The following PHAF1 variants were observed in gnomAD, a reference collection of about 807,000 sequenced individuals.
PHAF1 encodes phagophore assembly factor 1.
Under a neutral mutation model 63.1 loss-of-function variants are expected in PHAF1, and 23 were observed. The observed-to-expected ratio is 0.36, with a 90% CI of 0.26 to 0.52. PHAF1 has a LOEUF of 0.52. PHAF1 is among the 20% of genes least tolerant of loss of function. The pLI is 0.93. For missense variants in PHAF1, 427 were observed against 517.2 expected (o/e 0.83, Z 1.69); for synonymous variants, 167 against 185.0 (o/e 0.90, Z 0.79).
chr16:67,119,716 CAG>C (rs1322821595), intron 1 of PHAF1, among the ~76,000 whole-genome samples: 2 of 142,706 alleles, frequency 1.4e-5, no homozygotes, highest in African/African-American at 5.3e-5. Context: ...TTAGTAGAGT[CAG>C]AGTTTTACCA....
intron 8 of PHAF1, among the ~76,000 whole-genome samples, chr16:67,137,928 GT>G (rs1344293709): frequency 3.3e-5 from 5 of 152,200 alleles, no homozygotes; most frequent in Admixed American, 2.6e-4. Context: ...GCAAGCACAA[GT>G]TTCTCAACCC....
intron 6 of PHAF1, 40 bp from the exon 7 acceptor site, chr16:67,134,128 C>A: frequency 6.6e-7 from 1 of 1,525,558 alleles, no homozygotes; most frequent in Non-Finnish European, 9.1e-7. Flanking sequence ...GTCCCATCAC[C>A]TGTTGTGCCC....
intron 1 of PHAF1, among the ~76,000 whole-genome samples, chr16:67,119,505 C>CCAT (rs1479064265): frequency 6.6e-6 from 1 of 151,552 alleles, no homozygotes. Context: ...TAAAAAGGGT[C>CCAT]CATGCATCAT....
At chr16:67,140,917 CTCT>C (rs1963785751) in intron 10 of PHAF1, among the ~76,000 whole-genome samples, 1 of 152,202 alleles carries the variant, frequency 6.6e-6, no homozygotes, top group East Asian at 1.9e-4. Context: ...GCATAGGACC[CTCT>C]TCTTGAGTCA....
chr16:67,118,195 G>T (rs1467732010), intron 1 of PHAF1, among the ~76,000 whole-genome samples: 1 of 141,438 alleles, frequency 7.1e-6, no homozygotes. Context: ...GGATGGTCTC[G>T]ATCTCCTGAC....
At chr16:67,124,898 A>C (rs1367222081) in intron 2 of PHAF1, among the ~76,000 whole-genome samples, 1 of 149,440 alleles carries the variant, frequency 6.7e-6, no homozygotes, top group Non-Finnish European at 1.5e-5. Context: ...GAGAGACTTC[A>C]TCCAAAAAAA....
intron 10 of PHAF1, 104 bp downstream of exon 10, chr16:67,140,698 TG>T: frequency 2.1e-6 from 2 of 932,852 alleles, no homozygotes; most frequent in East Asian, 2.4e-5. Context: ...GCCTGGACAT[TG>T]GGGAACCTAG....
chr16:67,112,372 C>T (rs1962551141), intron 1 of PHAF1, among the ~76,000 whole-genome samples: 1 of 128,962 alleles, frequency 7.8e-6, no homozygotes, highest in African/African-American at 3.0e-5. Flanking sequence ...AGTGAGACCT[C>T]GTTTCTACCA....
chr16:67,122,405 G>A (rs1337607728), intron 2 of PHAF1, among the ~76,000 whole-genome samples: 1 of 151,990 alleles, frequency 6.6e-6, no homozygotes, highest in African/African-American at 2.4e-5. Flanking sequence ...TTGAGTCCAA[G>A]AGTTCGAGAC....
Position 67,131,449 on chromosome 16 carries a change from G to A in PHAF1, c.275+120G>A, listed in dbSNP as rs1490955278. ...GATGTGAATTATAGCCTGGTGCCATGAATTCCTGAGGCAACCTTCAAGCCT... is the reference window on the plus strand; with the variant it reads ...GATGTGAATTATAGCCTGGTGCCATAAATTCCTGAGGCAACCTTCAAGCCT... On this transcript the variant is annotated intron_variant, in intron 4 of 15. Coordinates refer to ENST00000219139, the MANE Select transcript of PHAF1 (RefSeq NM_025187.5). 7.0e-6 allele frequency: 5 copies of A among 718,632 alleles called. No individual in the cohort carries two copies. The East Asian group carries it at 1.5e-4, about 21-fold the overall frequency. 44.5% of individuals were successfully genotyped at this position (718,632 alleles called of 1,614,324 possible).
At chr16:67,125,879 G>A in intron 2 of PHAF1, 80 bp from the exon 3 acceptor site, 1 of 1,008,522 alleles carries the variant, frequency 9.9e-7, no homozygotes, top group Non-Finnish European at 1.5e-6. Flanking sequence ...CTTGTGTGTT[G>A]CATTTGTATT....
chr16:67,111,467 A>T (rs1962513329), intron 1 of PHAF1, among the ~76,000 whole-genome samples: 1 of 152,218 alleles, frequency 6.6e-6, no homozygotes, highest in Non-Finnish European at 1.5e-5. Context: ...GGACTAAATC[A>T]GCTGCTCCAT....
intron 2 of PHAF1, among the ~76,000 whole-genome samples, chr16:67,123,269 A>AT (rs930354491): frequency 8.6e-5 from 13 of 151,338 alleles, no homozygotes; most frequent in African/African-American, 3.2e-4. Context: ...ATGCCACCAC[A>AT]TCTGGCTATT....
chr16:67,123,154 A>T (rs1294198386), intron 2 of PHAF1, among the ~76,000 whole-genome samples: 1 of 148,046 alleles, frequency 6.8e-6, no homozygotes, highest in Non-Finnish European at 1.5e-5. Flanking sequence ...TGGCATGATC[A>T]TGGCTCACTG....
At chr16:67,144,429 A>C in intron 11 of PHAF1, 53 bp downstream of exon 11, 4 of 1,351,672 alleles carry the variant, frequency 3.0e-6, no homozygotes. Flanking sequence ...TGGGCTGAAA[A>C]CCCCAGGAAA....
At chr16:67,133,518 A>T (rs1385554365) in intron 6 of PHAF1, among the ~76,000 whole-genome samples, 2 of 148,580 alleles carry the variant, frequency 1.3e-5, no homozygotes, top group Non-Finnish European at 3.0e-5. Context: ...AAAAAAAAAA[A>T]AAAACAGGCC....
Position 67,144,362 on chromosome 16 carries a change from T to C in PHAF1, c.948T>C (p.His316=), listed in dbSNP as rs1045588760. 2 of 1,608,082 alleles carry C rather than the reference T, an allele frequency of 1.2e-6. No individual in the cohort carries two copies. The highest frequency in any genetic ancestry group is 1.7e-5 in the Admixed American group (1 of 60,000). The change falls in exon 11 of 16, where the codon CAT becomes CAC. Residue 316 remains histidine (H), a synonymous_variant. Coordinates refer to ENST00000219139, the MANE Select transcript of PHAF1 (RefSeq NM_025187.5). ...TTCTACACACCAATTACCCTGGGCA[T>C]TATAATTTCAACATGTGAGTACACC... ...KFVLHTNYPG[H]YNFNIYHRCE... is the part of the protein sequence containing the mutation.
At chr16:67,122,371 G>C (rs550106277) in intron 2 of PHAF1, among the ~76,000 whole-genome samples, 16 of 152,054 alleles carry the variant, frequency 1.1e-4, no homozygotes, top group Non-Finnish European at 2.1e-4. Flanking sequence ...CAACACTTCG[G>C]GAGGGCCGAG....
At chr16:67,115,225 G>T (rs1962690816) in intron 1 of PHAF1, among the ~76,000 whole-genome samples, 1 of 152,206 alleles carries the variant, frequency 6.6e-6, no homozygotes, top group Non-Finnish European at 1.5e-5. Context: ...GTGCTGGGAG[G>T]TATTGAGGTG....
Sources: allele counts gnomAD v4.1 joint callset (sites outside exome capture counted in the v4.1 genomes callset), GRCh38; gene constraint gnomAD v4.1.1; transcripts MANE v1.5; gene names NCBI Gene and HGNC (gene_info 2026-07-23, HGNC 2026-07-21).